Variants in IER3IP1 observed in about 807,000 individuals in gnomAD.
IER3IP1 encodes immediate early response 3-interacting protein 1.
IER3IP1 carries 16 observed loss-of-function variants against 12.2 expected under a neutral mutation model. The observed-to-expected ratio is 1.31, with a 90% CI of 0.89 to 1.99. The LOEUF (loss-of-function observed/expected upper bound fraction) is 1.99. Ranked by LOEUF, IER3IP1 falls within the 30% of genes most tolerant of loss-of-function variation. The probability of loss-of-function intolerance (pLI) is 0.00; values close to 1 mark genes in which losing one functional copy is unlikely to be tolerated. For synonymous variants in IER3IP1, 42 were observed against 40.0 expected (o/e 1.05, Z -0.19); for missense variants, 95 against 95.8 (o/e 0.99, Z 0.03).
In IER3IP1 at chr18:47,157,543, T is replaced by C; in HGVS notation, c.92-6A>G. 6.2e-7 allele frequency: 1 copy of C among 1,612,462 alleles called. No homozygotes were observed. Among genetic ancestry groups the C allele is most frequent in the South Asian group, 1.1e-5 (1 of 91,046 alleles). On this transcript the variant is annotated splice_region_variant and splice_polypyrimidine_tract_variant and intron_variant, in intron 1 of 2. Coordinates refer to ENST00000256433, the MANE Select transcript of IER3IP1 (RefSeq NM_016097.5). The stretch of plus-strand genomic sequence containing the variant: ...CTGGTCTGTTCCCCAGCCAACTGTA[T>C]AATGTAAAGATTAGCTGTGTTAAAA...
chr18:47,166,016 C>G (rs2063994884), intron 1 of IER3IP1, among the ~76,000 whole-genome samples: 1 of 152,206 alleles, frequency 6.6e-6, no homozygotes, highest in South Asian at 2.1e-4. Flanking sequence ...ATGATAAATA[C>G]TTGTCAAACT....
At chr18:47,170,802 T>C (rs1478097628) in intron 1 of IER3IP1, among the ~76,000 whole-genome samples, 3 of 152,150 alleles carry the variant, frequency 2.0e-5, no homozygotes, top group Non-Finnish European at 4.4e-5. Context: ...TAGGATTTTC[T>C]ATATATACAA....
intron 1 of IER3IP1, among the ~76,000 whole-genome samples, chr18:47,162,871 A>G (rs540558039): frequency 1.3e-5 from 2 of 152,272 alleles, no homozygotes; most frequent in East Asian, 3.9e-4. Context: ...TACATCACAA[A>G]TCAACTATAA....
chr18:47,158,627 C>G (rs1009117038), intron 1 of IER3IP1, among the ~76,000 whole-genome samples: 10 of 151,914 alleles, frequency 6.6e-5, no homozygotes, highest in African/African-American at 2.2e-4. Context: ...GTCACCGCAC[C>G]CAGCCCTCAT....
chr18:47,168,431 T>C (rs2064004233), intron 1 of IER3IP1, among the ~76,000 whole-genome samples: 2 of 152,148 alleles, frequency 1.3e-5, no homozygotes, highest in African/African-American at 4.8e-5. Context: ...TTAGTGAGTA[T>C]TAAAAGCTCA....
intron 1 of IER3IP1, among the ~76,000 whole-genome samples, chr18:47,161,993 G>T (rs921438528): frequency 6.6e-6 from 1 of 151,944 alleles, no homozygotes; most frequent in Non-Finnish European, 1.5e-5. Flanking sequence ...AGAATCTAAT[G>T]CCATCACTGA....
chr18:47,164,911 A>T (rs2063991325), intron 1 of IER3IP1, among the ~76,000 whole-genome samples: 2 of 152,246 alleles, frequency 1.3e-5, no homozygotes, highest in South Asian at 4.1e-4. Context: ...TTTCAGAAAT[A>T]AAGTTGAATA....
At chr18:47,158,410 G>T (rs988227423) in intron 1 of IER3IP1, among the ~76,000 whole-genome samples, 1 of 151,918 alleles carries the variant, frequency 6.6e-6, no homozygotes, top group South Asian at 2.1e-4. Flanking sequence ...GTGTAATCAC[G>T]GCTTACTACA....
At chr18:47,163,937 T>C (rs138149676) in intron 1 of IER3IP1, among the ~76,000 whole-genome samples, 6 of 152,292 alleles carry the variant, frequency 3.9e-5, no homozygotes, top group East Asian at 1.9e-4. Flanking sequence ...AAATGTATCA[T>C]TGGTAAAATT....
In IER3IP1 at chr18:47,158,833, C is replaced by T. The variant is rs182540345; in HGVS notation, c.92-1296G>A. ...AAAATTAGCCAGGTGTGATGGCGTGCGCCTGTAGTCCCAGCTACTCGGGAG... is the reference window on the plus strand; with the variant it reads ...AAAATTAGCCAGGTGTGATGGCGTGTGCCTGTAGTCCCAGCTACTCGGGAG... On this transcript the variant is annotated intron_variant, in intron 1 of 2. Coordinates refer to ENST00000256433, the MANE Select transcript of IER3IP1 (RefSeq NM_016097.5). Among the ~76,000 whole-genome samples, 22 of 151,942 alleles carry T rather than the reference C, an allele frequency of 1.4e-4. No individual in the cohort carries two copies. The East Asian group carries it at 3.2e-3, about 22-fold the overall frequency.
chr18:47,173,135 C>T (rs1334732376), intron 1 of IER3IP1, among the ~76,000 whole-genome samples: 1 of 152,186 alleles, frequency 6.6e-6, no homozygotes, highest in Non-Finnish European at 1.5e-5. Flanking sequence ...ACTTGCGTAT[C>T]TCATAGAAAT....
At chr18:47,161,480 T>C (rs2063979847) in intron 1 of IER3IP1, among the ~76,000 whole-genome samples, 1 of 152,248 alleles carries the variant, frequency 6.6e-6, no homozygotes, top group African/African-American at 2.4e-5. Flanking sequence ...CCTTGTAATC[T>C]TGATGTCTCA....
intron 1 of IER3IP1, among the ~76,000 whole-genome samples, chr18:47,162,000 C>T (rs560564646): frequency 6.6e-6 from 1 of 152,186 alleles, no homozygotes; most frequent in East Asian, 1.9e-4. Flanking sequence ...AATGCCATCA[C>T]TGACCTAACA....
intron 1 of IER3IP1, among the ~76,000 whole-genome samples, chr18:47,175,975 C>G (rs1301201568): frequency 1.3e-5 from 2 of 152,160 alleles, no homozygotes; most frequent in African/African-American, 4.8e-5. Flanking sequence ...CCACCCCAAC[C>G]CCCTGGGCCC....
intron 2 of IER3IP1, among the ~76,000 whole-genome samples, chr18:47,156,542 C>G (rs923899636): frequency 2.6e-5 from 4 of 152,046 alleles, no homozygotes; most frequent in Non-Finnish European, 5.9e-5. Flanking sequence ...AGACGTAGAC[C>G]CACAGGGTTG....
chr18:47,154,258 G>A lies in IER3IP1; in HGVS notation c.*1919C>T, dbSNP rs1351387826. 2 of 152,146 alleles carry A rather than the reference G, an allele frequency of 1.3e-5. No homozygotes were observed. The highest frequency in any genetic ancestry group is 2.9e-5 in the Non-Finnish European group (2 of 68,046). 9.4% of individuals were successfully genotyped at this position (152,146 alleles called of 1,614,324 possible). A position where few individuals can be genotyped will look rare whatever the true frequency, so the allele number is the denominator to read the frequency against. On this transcript the variant is annotated 3_prime_UTR_variant, in exon 3 of 3. Coordinates refer to ENST00000256433, the MANE Select transcript of IER3IP1 (RefSeq NM_016097.5). ...AATCACAACTGCTCTGGGGAAACCA[G>A]GGCTGACCAGTGAAAGCTTACAGAC...
intron 1 of IER3IP1, among the ~76,000 whole-genome samples, chr18:47,166,245 T>C (rs1423670746): frequency 6.6e-6 from 1 of 152,194 alleles, no homozygotes; most frequent in Non-Finnish European, 1.5e-5. Flanking sequence ...ATTGCAAGAA[T>C]ATAATGATAA....
At chr18:47,175,355 T>G (rs1600004879) in intron 1 of IER3IP1, among the ~76,000 whole-genome samples, 1 of 152,240 alleles carries the variant, frequency 6.6e-6, no homozygotes, top group Non-Finnish European at 1.5e-5. Flanking sequence ...GTTCCCTTCC[T>G]GTAATTCCTA....
Position 47,156,085 on chromosome 18 carries a change from A to C in IER3IP1, c.*92T>G. On this transcript the variant is annotated 3_prime_UTR_variant, in exon 3 of 3. Transcript: ENST00000256433. Reference sequence around the variant, plus strand: ...TTACATTTTTGACAAGTGCAAGGTCAGCCAGCTAAGATATAAATATTCCAA... The same window carrying C: ...TTACATTTTTGACAAGTGCAAGGTCCGCCAGCTAAGATATAAATATTCCAA... The C allele has an allele frequency of 1.2e-6, 1 of 829,882 alleles. No homozygotes were observed. Among genetic ancestry groups the C allele is most frequent in the South Asian group, 1.5e-5 (1 of 68,818 alleles). 51.4% of individuals were successfully genotyped at this position (829,882 alleles called of 1,614,324 possible).
Sources: allele counts gnomAD v4.1 joint callset (sites outside exome capture counted in the v4.1 genomes callset), GRCh38; gene constraint gnomAD v4.1.1; transcripts MANE v1.5; gene names NCBI Gene and HGNC (gene_info 2026-07-23, HGNC 2026-07-21).